Variants in GRIK1 observed in about 807,000 individuals in gnomAD.
GRIK1 encodes the protein glutamate ionotropic receptor kainate type subunit 1.
In GRIK1, 69 loss-of-function variants were observed where a neutral mutation model predicts 105.7. That is an observed-to-expected ratio of 0.65 (90% CI 0.54 to 0.80). GRIK1 has a LOEUF of 0.80. Among genes scored for constraint, GRIK1 ranks in the 30% least tolerant of loss-of-function variants. The pLI is 0.00. For synonymous variants in GRIK1, 438 were observed against 431.3 expected, an observed-to-expected ratio of 1.02 and a Z score of -0.19; for missense variants, 1,109 against 1,167.3, an observed-to-expected ratio of 0.95 and a Z score of 0.73.
chr21:29,805,935 T>A (rs2066851757), intron 1 of GRIK1, among the ~76,000 whole-genome samples: 1 of 152,118 alleles, frequency 6.6e-6, no homozygotes, highest in Admixed American at 6.6e-5. Context: ...GGGACACTAT[T>A]AATAACTAGG....
intron 1 of GRIK1, among the ~76,000 whole-genome samples, chr21:29,764,737 A>G (rs370308077): frequency 1.3e-5 from 2 of 152,174 alleles, no homozygotes; most frequent in African/African-American, 4.8e-5. Flanking sequence ...AGTAGCAGAA[A>G]TCAGAAAGGT....
At chr21:29,854,105 A>G (rs1356433703) in intron 1 of GRIK1, among the ~76,000 whole-genome samples, 1 of 152,180 alleles carries the variant, frequency 6.6e-6, no homozygotes, top group African/African-American at 2.4e-5. Flanking sequence ...TGCAGGCTGT[A>G]CAAGAAGCAT....
chr21:29,643,101 A>G (rs996343829), intron 6 of GRIK1, 132 bp from the exon 7 acceptor site: 143 of 778,186 alleles, frequency 1.8e-4, no homozygotes, highest in Non-Finnish European at 2.1e-4. Context: ...TCAGCTAGGT[A>G]GTTTTCACTC....
chr21:29,719,821 A>G (rs958670051), intron 1 of GRIK1, among the ~76,000 whole-genome samples: 3 of 152,214 alleles, frequency 2.0e-5, no homozygotes, highest in Middle Eastern at 3.2e-3. Flanking sequence ...GGCATAATTC[A>G]TGTTTCAAGG....
intron 7 of GRIK1, among the ~76,000 whole-genome samples, chr21:29,642,412 G>A (rs1340359943): frequency 1.3e-5 from 2 of 152,210 alleles, no homozygotes; most frequent in African/African-American, 4.8e-5. Context: ...GTCCTGTACA[G>A]CCTGAGCTTT....
intron 1 of GRIK1, among the ~76,000 whole-genome samples, chr21:29,734,826 A>G (rs2064747545): frequency 6.6e-6 from 1 of 152,078 alleles, no homozygotes; most frequent in South Asian, 2.1e-4. Context: ...ATTCCCCACC[A>G]TTTTGCTCTC....
At chr21:29,812,596 G>A (rs565049503) in intron 1 of GRIK1, among the ~76,000 whole-genome samples, 1 of 152,096 alleles carries the variant, frequency 6.6e-6, no homozygotes, top group African/African-American at 2.4e-5. Context: ...CCAAACTTGT[G>A]TTCTATTCCT....
At chr21:29,560,357 T>TTCTTTCTTTCTTTCTC (rs1555835104) in intron 15 of GRIK1, among the ~76,000 whole-genome samples, 3 of 58,186 alleles carry the variant, frequency 5.2e-5, no homozygotes, top group African/African-American at 2.5e-4. Flanking sequence ...CTTTCTTTCT[T>TTCTTTCTTTCTTTCTC]TTTCTTTCTT....
At chr21:29,540,970 ATTTTTTTTT>A (rs3054285) in intron 16 of GRIK1, among the ~76,000 whole-genome samples, 1 of 134,630 alleles carries the variant, frequency 7.4e-6, no homozygotes, top group South Asian at 2.4e-4. Context: ...CTTGCACTTG[ATTTTTTTTT>A]TTTTTTTTTG....
rs2089889404 is a variant in GRIK1, at chr21:29,536,978, C to T, written c.*252G>A. The T allele has an allele frequency of 4.0e-6, 1 of 249,858 alleles. No homozygotes were observed. The highest frequency in any genetic ancestry group is 2.2e-5 in the African/African-American group (1 of 45,008). The allele number at this position is 249,858 out of a possible 1,614,324, so 15.5% of individuals were successfully genotyped here. A position where few individuals can be genotyped will look rare whatever the true frequency, so the allele number is the denominator to read the frequency against. On this transcript the variant is annotated 3_prime_UTR_variant, in exon 18 of 18. Transcript: ENST00000327783. ...GTTTTATTATTATTTAGAAAGCACA[C>T]ACAACAATTTATTGGGGAAAAAGAA...
chr21:29,855,965 A>G (rs907132178), intron 1 of GRIK1, among the ~76,000 whole-genome samples: 4 of 152,200 alleles, frequency 2.6e-5, no homozygotes, highest in African/African-American at 9.7e-5. Context: ...GAAGACTGGA[A>G]TTGGGGGGAA....
chr21:29,835,227 C>T (rs2067757489), intron 1 of GRIK1, among the ~76,000 whole-genome samples: 1 of 152,154 alleles, frequency 6.6e-6, no homozygotes, highest in Admixed American at 6.6e-5. Flanking sequence ...ACTTACCTAC[C>T]CTACTAGCCT....
At chr21:29,644,854 C>T (rs796318633) in intron 6 of GRIK1, among the ~76,000 whole-genome samples, 9 of 152,300 alleles carry the variant, frequency 5.9e-5, no homozygotes, top group African/African-American at 1.7e-4. Flanking sequence ...TATGATATGT[C>T]GCATGCTGTT....
At chr21:29,663,964 G>A (rs1254888111) in intron 4 of GRIK1, among the ~76,000 whole-genome samples, 1 of 152,120 alleles carries the variant, frequency 6.6e-6, no homozygotes, top group Non-Finnish European at 1.5e-5. Context: ...AAAGGAGATT[G>A]AATCTGAAAC....
chr21:29,672,859 T>A (rs1201917212), intron 4 of GRIK1, 124 bp downstream of exon 4: 1 of 706,328 alleles, frequency 1.4e-6, no homozygotes, highest in Admixed American at 2.4e-5. Flanking sequence ...AAAATTATAA[T>A]CTTTAGCATA....
At chr21:29,857,635 T>C (rs1198744776) in intron 1 of GRIK1, among the ~76,000 whole-genome samples, 1 of 132,378 alleles carries the variant, frequency 7.6e-6, no homozygotes, top group African/African-American at 3.3e-5. Flanking sequence ...TTCATTGTTA[T>C]GAAAAGGGTA....
At chr21:29,871,760 A>ATTTTT (rs35513177) in intron 1 of GRIK1, among the ~76,000 whole-genome samples, 17 of 121,152 alleles carry the variant, frequency 1.4e-4, no homozygotes, top group South Asian at 2.7e-4. Flanking sequence ...AATCTTTTTA[A>ATTTTT]TTTTTTTTTT....
chr21:29,772,582 T>C (rs1601655540), intron 1 of GRIK1, among the ~76,000 whole-genome samples: 1 of 152,224 alleles, frequency 6.6e-6, no homozygotes, highest in East Asian at 1.9e-4. Context: ...ATTAACTATT[T>C]GTCATCCCCC....
At chr21:29,910,030 G>A (rs988637756) in intron 1 of GRIK1, among the ~76,000 whole-genome samples, 1 of 152,022 alleles carries the variant, frequency 6.6e-6, no homozygotes, top group African/African-American at 2.4e-5. Flanking sequence ...TCCATTAAAG[G>A]TGACATTCAG....
Sources: gnomAD v4.1 joint callset for allele counts (sites outside exome capture counted in the v4.1 genomes callset) on GRCh38, gnomAD v4.1.1 for gene constraint, MANE v1.5 for transcripts, NCBI Gene and HGNC (gene_info 2026-07-23, HGNC 2026-07-21) for gene names.